ABCA13: variants seen among roughly 807,000 people sequenced by gnomAD.
The protein encoded by ABCA13 is ATP binding cassette subfamily A member 13.
A neutral mutation model predicts 478.7 loss-of-function variants in ABCA13; 476 were observed. The ratio of observed to expected loss-of-function variants is 0.99; its 90% confidence interval spans 0.92 to 1.07. ABCA13 has a LOEUF of 1.07. Ranked by LOEUF, ABCA13 falls within the 50% of genes least tolerant of loss-of-function variation. The pLI is 0.00. For missense variants in ABCA13, 6,060 were observed against 5,910.6 expected (o/e 1.03, Z -0.83); for synonymous variants, 2,252 against 2,158.9 (o/e 1.04, Z -1.20).
chr7:48,324,638 C>T (rs1339899201), intron 27 of ABCA13, among the ~76,000 whole-genome samples: 5 of 152,170 alleles, frequency 3.3e-5, no homozygotes, highest in African/African-American at 9.7e-5. Flanking sequence ...TTGCTAATTA[C>T]TACAGGAACG....
chr7:48,474,906 A>G (rs1827913490), intron 45 of ABCA13, among the ~76,000 whole-genome samples: 1 of 152,180 alleles, frequency 6.6e-6, no homozygotes, highest in Non-Finnish European at 1.5e-5. Context: ...ATTCACTTCA[A>G]CTCACATAAA....
chr7:48,594,667 G>C, intron 57 of ABCA13, 43 bp from the exon 58 acceptor site: 1 of 1,558,698 alleles, frequency 6.4e-7, no homozygotes, highest in Non-Finnish European at 8.9e-7. Flanking sequence ...ATTTCTATTT[G>C]TGTTTTTCAA....
At chr7:48,552,305 A>G (rs1220610016) in intron 55 of ABCA13, among the ~76,000 whole-genome samples, 1 of 151,780 alleles carries the variant, frequency 6.6e-6, no homozygotes, top group Non-Finnish European at 1.5e-5. Flanking sequence ...ATTCAGATAC[A>G]TGTTTTGCTG....
At chr7:48,508,165 G>A in intron 50 of ABCA13, 116 bp downstream of exon 50, 4 of 1,271,610 alleles carry the variant, frequency 3.1e-6, no homozygotes, top group Admixed American at 2.0e-5. Context: ...TCCACAAAAA[G>A]GGGTCATCTT....
chr7:48,231,284 G>A (rs894040401), intron 7 of ABCA13, among the ~76,000 whole-genome samples: 2 of 152,270 alleles, frequency 1.3e-5, no homozygotes, highest in Non-Finnish European at 2.9e-5. Flanking sequence ...AGACCACAGA[G>A]TAAGGATCTG....
chr7:48,643,192 C>G lies in ABCA13; in HGVS notation c.14838-96C>G, dbSNP rs539768201. On this transcript the variant is annotated intron_variant, in intron 59 of 61. Transcript: ENST00000435803. ...AACTCCCAACAATTTGGAGTAATTA[C>G]TTCCTTTTTCTCCCTCTGTGTGAAA... is the stretch of plus-strand genomic sequence containing the variant. 239 of 748,378 alleles carry G rather than the reference C, an allele frequency of 3.2e-4. 2 individuals carry two copies. The highest frequency in any genetic ancestry group is 2.9e-3 in the South Asian group (136 of 46,194). The allele number at this position is 748,378 out of a possible 1,614,324, so 46.4% of individuals were successfully genotyped here. A position where few individuals can be genotyped will look rare whatever the true frequency, so the allele number is the denominator to read the frequency against.
In ABCA13 at chr7:48,587,064, G is replaced by C. The variant is rs1789256415; in HGVS notation, c.14506-90G>C. On this transcript the variant is annotated intron_variant, in intron 56 of 61. Coordinates refer to ENST00000435803, the MANE Select transcript of ABCA13 (RefSeq NM_152701.5). The stretch of plus-strand genomic sequence containing the variant: ...GTGTGAAGGTCGGCAGGGTTAGTGG[G>C]AGGTAGAAGCAGGAATGAGGACTGA... The C allele has an allele frequency of 6.4e-6, 10 of 1,551,254 alleles. No individual in the cohort carries two copies. In the African/African-American group the frequency reaches 6.8e-5, roughly 11 times the overall value.
At chr7:48,588,258 G>A (rs11185609) in intron 57 of ABCA13, among the ~76,000 whole-genome samples, 18,917 of 152,144 alleles carry the variant, frequency 0.12, 1,385 homozygotes, top group East Asian at 0.18. Context: ...TCCAGAATCT[G>A]ATAATAAAAA....
chr7:48,440,784 T>C (rs1219837058), intron 42 of ABCA13, among the ~76,000 whole-genome samples: 1 of 151,982 alleles, frequency 6.6e-6, no homozygotes, highest in Non-Finnish European at 1.5e-5. Flanking sequence ...AATTTTATGT[T>C]CTGAATTTGG....
intron 23 of ABCA13, among the ~76,000 whole-genome samples, chr7:48,304,805 A>G (rs1800664169): frequency 1.3e-5 from 2 of 152,230 alleles, no homozygotes; most frequent in South Asian, 4.1e-4. Context: ...CAGCCAAATG[A>G]TGCCTGCCTT....
intron 59 of ABCA13, among the ~76,000 whole-genome samples, chr7:48,636,643 C>T (rs1215842025): frequency 6.6e-6 from 1 of 152,192 alleles, no homozygotes; most frequent in Non-Finnish European, 1.5e-5. Context: ...CGCCACCATA[C>T]ACCCAAATGT....
intron 24 of ABCA13, among the ~76,000 whole-genome samples, chr7:48,311,491 C>T (rs548160889): frequency 6.6e-6 from 1 of 152,252 alleles, no homozygotes; most frequent in East Asian, 1.9e-4. Flanking sequence ...AACAGAGCTC[C>T]CATTGGCACG....
chr7:48,205,464 C>T (rs1430014650), intron 3 of ABCA13, among the ~76,000 whole-genome samples: 1 of 152,138 alleles, frequency 6.6e-6, no homozygotes, highest in East Asian at 1.9e-4. Flanking sequence ...TTGTTATAGC[C>T]CCAGCCATTC....
At chr7:48,453,206 C>T (rs1825255535) in intron 42 of ABCA13, among the ~76,000 whole-genome samples, 1 of 150,928 alleles carries the variant, frequency 6.6e-6, no homozygotes, top group African/African-American at 2.4e-5. Flanking sequence ...TAAAAACACA[C>T]TTTTAACTCT....
chr7:48,481,424 A>G (rs1342835818), intron 46 of ABCA13, among the ~76,000 whole-genome samples: 1 of 152,214 alleles, frequency 6.6e-6, no homozygotes, highest in African/African-American at 2.4e-5. Context: ...AAAATTCCAC[A>G]TAGATGCCAT....
intron 56 of ABCA13, among the ~76,000 whole-genome samples, chr7:48,586,166 A>G (rs897921695): frequency 6.6e-6 from 1 of 152,172 alleles, no homozygotes; most frequent in Non-Finnish European, 1.5e-5. Flanking sequence ...GCTCTTGGGT[A>G]CAGTCTGAAC....
chr7:48,275,152 A>G lies in ABCA13; in HGVS notation c.5486A>G (p.Asn1829Ser), dbSNP rs1238421757. The G allele has an allele frequency of 6.2e-7, 1 of 1,613,912 alleles. No homozygotes were observed. The highest frequency in any genetic ancestry group is 2.2e-5 in the East Asian group (1 of 44,870). ...FPVVWCWNHT[N>S]SGFRQNSKID... ...GTGGTTTGGTGCTGGAATCACACAA[A>G]TTCTGGATTTCGGCAGAATTCAAAG... The change falls in exon 17 of 62, where the codon AAT (asparagine) becomes AGT (serine). Residue 1829 changes from asparagine to serine, a missense_variant. Coordinates refer to ENST00000435803, the MANE Select transcript of ABCA13 (RefSeq NM_152701.5).
intron 35 of ABCA13, among the ~76,000 whole-genome samples, chr7:48,384,752 G>A (rs1814916573): frequency 6.6e-6 from 1 of 152,176 alleles, no homozygotes; most frequent in Non-Finnish European, 1.5e-5. Flanking sequence ...TCAAACAACA[G>A]GAATGTGTTG....
chr7:48,617,091 A>G (rs1360631807), intron 59 of ABCA13, among the ~76,000 whole-genome samples: 1 of 152,208 alleles, frequency 6.6e-6, no homozygotes, highest in Non-Finnish European at 1.5e-5. Flanking sequence ...TAAACCTATA[A>G]TAAACAAACA....
Sources: gnomAD v4.1 joint callset for allele counts (sites outside exome capture counted in the v4.1 genomes callset) on GRCh38, gnomAD v4.1.1 for gene constraint, MANE v1.5 for transcripts, NCBI Gene and HGNC (gene_info 2026-07-23, HGNC 2026-07-21) for gene names.